WRNIP1: variants seen among roughly 807,000 people sequenced by gnomAD.
WRNIP1 encodes WRN helicase interacting protein 1.
In WRNIP1, 41 loss-of-function variants were observed where a neutral mutation model predicts 56.1. The ratio of observed to expected loss-of-function variants is 0.73; its 90% CI spans 0.57 to 0.95. WRNIP1 has a LOEUF of 0.95. WRNIP1 is among the 40% of genes least tolerant of loss of function. The probability of loss-of-function intolerance (pLI) is 0.00; values close to 1 mark genes in which losing one functional copy is unlikely to be tolerated. For missense variants in WRNIP1, 1,170 were observed against 939.4 expected, an observed-to-expected ratio of 1.25 and a Z score of -3.21; for synonymous variants, 547 against 398.1, an observed-to-expected ratio of 1.37 and a Z score of -4.45.
chr6:2,773,128 C>T (rs925116520), intron 3 of WRNIP1: 3 of 985,274 alleles, frequency 3.0e-6, no homozygotes, highest in Non-Finnish European at 3.6e-6. Flanking sequence ...TGAGTTGTCA[C>T]ACAGTATACT....
chr6:2,767,579 A>G lies in WRNIP1; in HGVS notation c.823-1112A>G, dbSNP rs183295870. On this transcript the variant is annotated intron_variant, in intron 1 of 6. Transcript: ENST00000380773. ...CTATCCCAAATAACATCTTATGATG[A>G]TGGTGGTCGAGTTGTTGACGTCTGT... 7.1e-4 allele frequency among the ~76,000 whole-genome samples: 108 copies of G among 152,364 alleles called. No individual in the cohort carries two copies. The Middle Eastern group carries it at 0.027, about 38-fold the overall frequency.
At chr6:2,767,076 A>G (rs1172164048) in intron 1 of WRNIP1, among the ~76,000 whole-genome samples, 1 of 152,200 alleles carries the variant, frequency 6.6e-6, no homozygotes, top group Non-Finnish European at 1.5e-5. Flanking sequence ...TATTTCCGTA[A>G]CTTTTCTCAT....
At chr6:2,780,690 A>T (rs561586835) in intron 4 of WRNIP1, among the ~76,000 whole-genome samples, 2 of 152,298 alleles carry the variant, frequency 1.3e-5, no homozygotes, top group East Asian at 3.9e-4. Flanking sequence ...AAAAATGTAG[A>T]TATGAACAAG....
rs142792201 is a variant in WRNIP1 at position 2,784,174 on chromosome 6, G to A, written c.1643-150G>A. On this transcript the variant is annotated intron_variant, in intron 5 of 6. Coordinates refer to ENST00000380773, the MANE Select transcript of WRNIP1 (RefSeq NM_020135.3). ...TTTCTTGCATAAGTTCATGGGATCA[G>A]AGACTAGAGCTAAGTCAGGCTGTTT... is the stretch of plus-strand genomic sequence containing the variant. The A allele has an allele frequency of 1.0e-3, 631 of 615,076 alleles. 2 individuals carry two copies. Among genetic ancestry groups the A allele is most frequent in the Non-Finnish European group, 1.6e-3 (553 of 351,614 alleles). 38.1% of individuals were successfully genotyped at this position (615,076 alleles called of 1,614,324 possible). A position where few individuals can be genotyped will look rare whatever the true frequency, so the allele number is the denominator to read the frequency against.
chr6:2,768,053 A>G (rs113691665), intron 1 of WRNIP1, among the ~76,000 whole-genome samples: 28 of 152,262 alleles, frequency 1.8e-4, no homozygotes, highest in African/African-American at 6.7e-4. Flanking sequence ...CAGCATATAC[A>G]TATTTGTTGA....
intron 5 of WRNIP1, 73 bp downstream of exon 5, chr6:2,783,634 C>CTTTTT (rs398000193): frequency 0.038 from 1,507 of 39,538 alleles, 471 homozygotes; most frequent in African/African-American, 0.097. Flanking sequence ...TACATCGTGG[C>CTTTTT]TTTTTTTTTT....
intron 1 of WRNIP1, among the ~76,000 whole-genome samples, chr6:2,767,005 T>C (rs564892388): frequency 6.6e-6 from 1 of 152,370 alleles, no homozygotes; most frequent in South Asian, 2.1e-4. Flanking sequence ...TTACTAAATA[T>C]ACTCATGTAT....
chr6:2,778,956 A>G (rs1252515129), intron 3 of WRNIP1, among the ~76,000 whole-genome samples: 1 of 152,190 alleles, frequency 6.6e-6, no homozygotes, highest in East Asian at 1.9e-4. Context: ...AGAACCAGAG[A>G]GACCACCTGT....
intron 4 of WRNIP1, among the ~76,000 whole-genome samples, chr6:2,781,690 G>A (rs1316965179): frequency 6.6e-6 from 1 of 152,216 alleles, no homozygotes; most frequent in African/African-American, 2.4e-5. Context: ...TTCTATAGAA[G>A]TCGTCAGATT....
chr6:2,782,068 G>A (rs564430903), intron 4 of WRNIP1, among the ~76,000 whole-genome samples: 1 of 152,310 alleles, frequency 6.6e-6, no homozygotes, highest in Non-Finnish European at 1.5e-5. Context: ...AGTGGTGTGG[G>A]TAGTTTCTTC....
chr6:2,767,975 C>G (rs187604063), intron 1 of WRNIP1, among the ~76,000 whole-genome samples: 22 of 152,316 alleles, frequency 1.4e-4, no homozygotes, highest in African/African-American at 5.3e-4. Flanking sequence ...AGATTTGTCA[C>G]AGTCATTAAA....
chr6:2,768,856 A>G lies in WRNIP1; in HGVS notation c.988A>G (p.Ile330Val). The G allele has an allele frequency of 6.2e-7, 1 of 1,612,276 alleles. No homozygotes were observed. Among genetic ancestry groups the G allele is most frequent in the Non-Finnish European group, 8.5e-7 (1 of 1,179,334 alleles). ...GAAAACCATCCTTTTTATTGATGAG[A>G]TTCATCGGTTCAATAAATCTCAGCA... The part of the protein sequence containing the change: ...KRKTILFIDE[I>V]HRFNKSQQDT... Residue 330 changes from isoleucine (I) to valine (V), a missense_variant, in exon 2 of 7, where the codon ATT becomes GTT. Coordinates refer to ENST00000380773, the MANE Select transcript of WRNIP1 (RefSeq NM_020135.3).
rs17851691 is a variant in WRNIP1 at position 2,765,898 on chromosome 6, C to T, written c.276C>T (p.Ser92=). ...QPATPTAAES[S]EGEGEEGDDG... is the part of the protein sequence containing the mutation. Reference sequence around the variant, plus strand: ...CCACCCCGACGGCAGCCGAGAGCAGCGAGGGCGAGGGTGAGGAGGGCGACG... The same window carrying T: ...CCACCCCGACGGCAGCCGAGAGCAGTGAGGGCGAGGGTGAGGAGGGCGACG... Residue 92 remains serine, a synonymous_variant, in exon 1 of 7, where the codon AGC becomes AGT. Coordinates refer to ENST00000380773, the MANE Select transcript of WRNIP1 (RefSeq NM_020135.3). 0.02 allele frequency: 28,749 copies of T among 1,454,628 alleles called. 509 individuals are homozygous for T. Among genetic ancestry groups the T allele is most frequent in the South Asian group, 0.071 (5,384 of 75,854 alleles). The allele number at this position is 1,454,628 out of a possible 1,614,324, so 90.1% of individuals were successfully genotyped here.
chr6:2,765,671 C>T lies in WRNIP1; in HGVS notation c.49C>T (p.Gln17Ter). 1 of 1,553,084 alleles carries T rather than the reference C, an allele frequency of 6.4e-7. No individual in the cohort carries two copies. The highest frequency in any genetic ancestry group is 8.6e-7 in the Non-Finnish European group (1 of 1,157,872). ...CGACCCCTTCCTTTCGCAGCTGCAC[C>T]AGGTGCAGTGCCCCGTGTGCCAGCA... Reference protein sequence around the residue: ...EDDPFLSQLHQVQCPVCQQMM... With the variant: ...EDDPFLSQLH The change falls in exon 1 of 7, where the codon CAG becomes TAG. Residue 17 changes from glutamine (Q) to a stop codon, truncating the protein, a stop_gained. Transcript: ENST00000380773. LOFTEE classifies it high-confidence loss of function.
intron 4 of WRNIP1, 65 bp downstream of exon 4, chr6:2,779,557 T>A (rs559005120): frequency 1.3e-6 from 2 of 1,513,584 alleles, no homozygotes; most frequent in Non-Finnish European, 1.8e-6. Flanking sequence ...ACATTCTCAT[T>A]TCCGGAAGCC....
At chr6:2,773,211 A>G (rs1765350871) in intron 3 of WRNIP1, 1 of 985,170 alleles carries the variant, frequency 1.0e-6, no homozygotes, top group South Asian at 4.7e-5. Context: ...TCCTGTAGTT[A>G]TTATTCAGTC....
rs767010710 is a variant in WRNIP1, at chr6:2,768,738, A to T, written c.870A>T (p.Ile290=). The T allele has an allele frequency of 1.9e-6, 3 of 1,613,716 alleles. No individual in the cohort carries two copies. Among genetic ancestry groups the T allele is most frequent in the Non-Finnish European group, 2.5e-6 (3 of 1,179,836 alleles). Residue 290 remains isoleucine, a synonymous_variant, in exon 2 of 7, where the codon ATA becomes ATT. Transcript: ENST00000380773. ...CCAGCAACAGCAAGAAACATAGCAT[A>T]AGGTTTGTGACATTATCTGCAACAA... The part of the protein sequence containing the change: ...IIASNSKKHS[I]RFVTLSATNA...
chr6:2,766,240 C>A lies in WRNIP1; in HGVS notation c.618C>A (p.Gly206=). The A allele has an allele frequency of 6.8e-7, 1 of 1,464,828 alleles. No individual in the cohort carries two copies. The highest frequency in any genetic ancestry group is 9.0e-7 in the Non-Finnish European group (1 of 1,106,652). The allele number at this position is 1,464,828 out of a possible 1,614,324, so 90.7% of individuals were successfully genotyped here. The change falls in exon 1 of 7, where the codon GGC becomes GGA. Residue 206 remains glycine, a synonymous_variant. Transcript: ENST00000380773. ...CCGCCTTCGGGGCCAGTGGCGGGGGCCGCCCGCACCCCCGGGCGCTGGCTG... is the reference window on the plus strand; with the variant it reads ...CCGCCTTCGGGGCCAGTGGCGGGGGACGCCCGCACCCCCGGGCGCTGGCTG... ...AATAFGASGG[G]RPHPRALAAE...
At position 2,765,603 on chromosome 6, in the gene WRNIP1, CG is replaced by C; in HGVS notation, c.-16del. 5 of 1,494,648 alleles carry C rather than the reference CG, an allele frequency of 3.3e-6. No homozygotes were observed. Among genetic ancestry groups the C allele is most frequent in the East Asian group, 2.9e-5 (1 of 34,692 alleles). 92.6% of individuals were successfully genotyped at this position (1,494,648 alleles called of 1,614,324 possible). On this transcript the variant is annotated 5_prime_UTR_variant, in exon 1 of 7. Transcript: ENST00000380773. ...GGGTTGCTGCGGCCGCGCCGGGCGC[CG>C]GGGAGGGCGGCGGCCGCCATGGAGG...
Sources: allele counts gnomAD v4.1 joint callset (sites outside exome capture counted in the v4.1 genomes callset), GRCh38; gene constraint gnomAD v4.1.1; transcripts MANE v1.5; gene names NCBI Gene and HGNC (gene_info 2026-07-23, HGNC 2026-07-21).